The following SWT1 variants were observed in gnomAD, a reference collection of about 807,000 sequenced individuals.
SWT1 encodes the protein transcriptional protein SWT1.
Under a neutral mutation model 107.3 loss-of-function variants are expected in SWT1, and 33 were observed. The observed-to-expected ratio is 0.31, with a 90% CI of 0.23 to 0.41. The LOEUF (loss-of-function observed/expected upper bound fraction) is 0.41, where lower values mean the gene tolerates loss of function less well. SWT1 is among the 10% of genes least tolerant of loss of function. The pLI is 1.00. For synonymous variants in SWT1, 345 were observed against 348.3 expected, an observed-to-expected ratio of 0.99 and a Z score of 0.11; for missense variants, 898 against 1,028.9, an observed-to-expected ratio of 0.87 and a Z score of 1.74.
chr1:185,239,757 A>G (rs934999409), intron 16 of SWT1, among the ~76,000 whole-genome samples: 1 of 152,020 alleles, frequency 6.6e-6, no homozygotes, highest in Non-Finnish European at 1.5e-5. Context: ...GGTCAGTACT[A>G]CATAGTCTTA....
chr1:185,172,416 G>A (rs1449164308), intron 4 of SWT1, among the ~76,000 whole-genome samples: 1 of 152,112 alleles, frequency 6.6e-6, no homozygotes, highest in East Asian at 1.9e-4. Flanking sequence ...TTAAAAAACT[G>A]TGATATTCCG....
At chr1:185,282,250 C>G (rs1664674917) in intron 18 of SWT1, among the ~76,000 whole-genome samples, 1 of 152,036 alleles carries the variant, frequency 6.6e-6, no homozygotes, top group Non-Finnish European at 1.5e-5. Context: ...GAGTTCTGAC[C>G]CTTTTGAACT....
chr1:185,173,061 A>G (rs1177975694), intron 4 of SWT1, among the ~76,000 whole-genome samples: 3 of 150,544 alleles, frequency 2.0e-5, no homozygotes, highest in Admixed American at 6.6e-5. Context: ...AAAAAAAAAA[A>G]GAAGAAAATG....
intron 16 of SWT1, chr1:185,251,316 T>G (rs1662000712): frequency 6.5e-6 from 1 of 152,816 alleles, no homozygotes; most frequent in African/African-American, 2.4e-5. Flanking sequence ...TTGTTCAGGC[T>G]GGTCTGAGTG....
At chr1:185,257,388 C>A (rs532065110) in intron 16 of SWT1, among the ~76,000 whole-genome samples, 4 of 152,206 alleles carry the variant, frequency 2.6e-5, no homozygotes, top group East Asian at 3.9e-4. Flanking sequence ...GCCTCGCTGC[C>A]GCCTTGCAGT....
intron 4 of SWT1, among the ~76,000 whole-genome samples, chr1:185,173,491 T>TTG (rs1378491601): frequency 4.2e-5 from 6 of 143,818 alleles, no homozygotes; most frequent in South Asian, 2.2e-4. Context: ...GCCCAGGAGT[T>TTG]CGACCAGCCT....
At chr1:185,214,403 G>A in intron 13 of SWT1, 104 bp from the exon 14 acceptor site, 1 of 853,790 alleles carries the variant, frequency 1.2e-6, no homozygotes, top group Non-Finnish European at 1.8e-6. Context: ...AGGTATAAAT[G>A]TATACTCTTT....
chr1:185,230,639 A>G (rs557524015), intron 15 of SWT1, among the ~76,000 whole-genome samples: 5 of 152,226 alleles, frequency 3.3e-5, no homozygotes, highest in South Asian at 2.1e-4. Flanking sequence ...GGATTTTTAT[A>G]TGGTTGTTCT....
chr1:185,171,571 T>C (rs1655063429), intron 4 of SWT1: 2 of 454,982 alleles, frequency 4.4e-6, no homozygotes, highest in Admixed American at 2.5e-5. Flanking sequence ...CTCACTTTGA[T>C]CCTCTCTTGC....
chr1:185,168,152 C>T (rs1654743012), intron 3 of SWT1, among the ~76,000 whole-genome samples, 188 bp from the exon 4 acceptor site: 1 of 152,064 alleles, frequency 6.6e-6, no homozygotes, highest in Non-Finnish European at 1.5e-5. Context: ...TGGACTTGCT[C>T]TGTGACTTTA....
At chr1:185,280,662 G>A (rs1664557031) in intron 18 of SWT1, among the ~76,000 whole-genome samples, 1 of 152,144 alleles carries the variant, frequency 6.6e-6, no homozygotes, top group African/African-American at 2.4e-5. Context: ...AGGGGCTCCA[G>A]GTTGAGTTAA....
intron 16 of SWT1, among the ~76,000 whole-genome samples, chr1:185,233,425 C>T (rs1321943862): frequency 6.6e-6 from 1 of 152,114 alleles, no homozygotes; most frequent in East Asian, 1.9e-4. Context: ...CCTGCTTTCT[C>T]TTGTGGGCAT....
chr1:185,182,934 G>A (rs1350631838), intron 7 of SWT1, among the ~76,000 whole-genome samples: 5 of 152,000 alleles, frequency 3.3e-5, no homozygotes, highest in Non-Finnish European at 5.9e-5. Context: ...TCAGGAGTTC[G>A]AGACCAGTCT....
chr1:185,185,364 G>A (rs1002970535), intron 9 of SWT1, among the ~76,000 whole-genome samples: 2 of 152,112 alleles, frequency 1.3e-5, no homozygotes, highest in Admixed American at 6.5e-5. Flanking sequence ...TTACAATAAA[G>A]TAGTGTATAG....
At chr1:185,175,814 C>A (rs1056770773) in intron 5 of SWT1, among the ~76,000 whole-genome samples, 1 of 152,092 alleles carries the variant, frequency 6.6e-6, no homozygotes, top group African/African-American at 2.4e-5. Context: ...GTGTACCAGG[C>A]ACCACAATAA....
chr1:185,220,925 A>G (rs1488882845), intron 14 of SWT1, among the ~76,000 whole-genome samples: 1 of 152,232 alleles, frequency 6.6e-6, no homozygotes, highest in African/African-American at 2.4e-5. Flanking sequence ...ATTCCTGTAT[A>G]TGTATGTGAG....
Position 185,222,047 on chromosome 1 carries a change from T to A in SWT1, c.2309+11T>A, listed in dbSNP as rs1399720530. ...AATATATCAGAACAGGTACTAAATTTGGGGGAATTTTTTTTTAGTTATTTT... is the reference window on the plus strand; with the variant it reads ...AATATATCAGAACAGGTACTAAATTAGGGGGAATTTTTTTTTAGTTATTTT... On this transcript the variant is annotated intron_variant, in intron 15 of 18. Coordinates refer to ENST00000367500, the MANE Select transcript of SWT1 (RefSeq NM_017673.7). 1 of 1,479,738 alleles carries A rather than the reference T, an allele frequency of 6.8e-7. No individual in the cohort carries two copies. The highest frequency in any genetic ancestry group is 1.4e-5 in the African/African-American group (1 of 69,164). 91.7% of individuals were successfully genotyped at this position (1,479,738 alleles called of 1,614,324 possible).
At chr1:185,195,192 C>T (rs1292082255) in intron 10 of SWT1, among the ~76,000 whole-genome samples, 2 of 152,144 alleles carry the variant, frequency 1.3e-5, no homozygotes, top group Admixed American at 1.3e-4. Flanking sequence ...TGTTCCCCTC[C>T]CTGTGTCCAT....
intron 5 of SWT1, among the ~76,000 whole-genome samples, chr1:185,179,602 T>G (rs1655854360): frequency 6.6e-6 from 1 of 152,242 alleles, no homozygotes; most frequent in South Asian, 2.1e-4. Context: ...TTCCTTCTGT[T>G]GTTTTATCAT....
Sources: allele counts gnomAD v4.1 joint callset (sites outside exome capture counted in the v4.1 genomes callset), GRCh38; gene constraint gnomAD v4.1.1; transcripts MANE v1.5; gene names NCBI Gene and HGNC (gene_info 2026-07-23, HGNC 2026-07-21).